CACNB2: variants seen among roughly 807,000 people sequenced by gnomAD.
CACNB2 encodes calcium voltage-gated channel auxiliary subunit beta 2, also known as voltage-dependent L-type calcium channel subunit beta-2.
Under a neutral mutation model 73.3 loss-of-function variants are expected in CACNB2, and 42 were observed. The observed-to-expected ratio is 0.57, with a 90% CI of 0.45 to 0.74. The LOEUF is 0.74. Among genes scored for constraint, CACNB2 ranks in the 30% least tolerant of loss-of-function variants. The probability of loss-of-function intolerance (pLI) is 0.00; values close to 1 mark genes in which losing one functional copy is unlikely to be tolerated. For missense variants in CACNB2, 940 were observed against 853.0 expected, an observed-to-expected ratio of 1.10 and a Z score of -1.27; for synonymous variants, 348 against 310.3, an observed-to-expected ratio of 1.12 and a Z score of -1.28.
chr10:18,292,370 C>T (rs2039099901), intron 2 of CACNB2, among the ~76,000 whole-genome samples: 1 of 152,144 alleles, frequency 6.6e-6, no homozygotes, highest in Non-Finnish European at 1.5e-5. Context: ...AATATTGTTT[C>T]AAGGTGGCTG....
chr10:18,169,414 C>T (rs557652784), intron 2 of CACNB2, among the ~76,000 whole-genome samples: 4 of 152,090 alleles, frequency 2.6e-5, no homozygotes, highest in African/African-American at 9.7e-5. Context: ...TATAATACTC[C>T]CTTGAAAATA....
chr10:18,538,511 G>A (rs775687658), intron 13 of CACNB2, 146 bp downstream of exon 13: 1 of 674,912 alleles, frequency 1.5e-6, no homozygotes. Flanking sequence ...CATGAGCTGT[G>A]TATGTACCTG....
chr10:18,418,723 T>C (rs1283759392), intron 3 of CACNB2, among the ~76,000 whole-genome samples: 1 of 152,204 alleles, frequency 6.6e-6, no homozygotes, highest in African/African-American at 2.4e-5. Flanking sequence ...TCCCTTTTTT[T>C]TGGTCTATAA....
intron 2 of CACNB2, among the ~76,000 whole-genome samples, chr10:18,374,575 A>G (rs954825717): frequency 1.3e-5 from 2 of 152,192 alleles, no homozygotes; most frequent in African/African-American, 2.4e-5. Flanking sequence ...TTTTTAAAAA[A>G]TAGAAAATTT....
intron 2 of CACNB2, among the ~76,000 whole-genome samples, chr10:18,349,849 A>G (rs921557609): frequency 1.3e-5 from 2 of 152,196 alleles, no homozygotes; most frequent in African/African-American, 4.8e-5. Context: ...TGTTATGCAT[A>G]TTTTGTCACA....
chr10:18,517,255 G>A (rs577232006), intron 7 of CACNB2, among the ~76,000 whole-genome samples: 42 of 152,186 alleles, frequency 2.8e-4, no homozygotes, highest in African/African-American at 8.2e-4. Flanking sequence ...TTTGCTTATC[G>A]CAGTGTCTAA....
At chr10:18,369,625 G>A (rs1443888453) in intron 2 of CACNB2, among the ~76,000 whole-genome samples, 1 of 152,170 alleles carries the variant, frequency 6.6e-6, no homozygotes, top group African/African-American at 2.4e-5. Flanking sequence ...GGGATAAGAG[G>A]GTCGAGCATG....
At chr10:18,263,591 C>A (rs879868221) in intron 2 of CACNB2, among the ~76,000 whole-genome samples, 7 of 152,064 alleles carry the variant, frequency 4.6e-5, no homozygotes, top group Non-Finnish European at 8.8e-5. Context: ...GTTCTTATAC[C>A]TTTTCTTTTT....
intron 3 of CACNB2, among the ~76,000 whole-genome samples, chr10:18,426,606 A>G (rs893072522): frequency 1.3e-5 from 2 of 152,178 alleles, no homozygotes; most frequent in African/African-American, 2.4e-5. Context: ...TTTGGAGGCC[A>G]AGGTAGGAGG....
At chr10:18,483,738 C>T (rs373229774) in intron 3 of CACNB2, among the ~76,000 whole-genome samples, 5 of 152,130 alleles carry the variant, frequency 3.3e-5, no homozygotes, top group Admixed American at 2.6e-4. Context: ...TCAGCATGTA[C>T]TTTGTAAAGG....
intron 2 of CACNB2, among the ~76,000 whole-genome samples, chr10:18,241,610 C>A (rs538459343): frequency 1.3e-5 from 2 of 151,582 alleles, no homozygotes; most frequent in African/African-American, 4.8e-5. Flanking sequence ...TACAGGTGAC[C>A]TATAAAGAGG....
At chr10:18,252,846 A>T (rs2037141672) in intron 2 of CACNB2, among the ~76,000 whole-genome samples, 1 of 152,120 alleles carries the variant, frequency 6.6e-6, no homozygotes, top group African/African-American at 2.4e-5. Flanking sequence ...AACTGCTGGA[A>T]GGGGAACCTC....
chr10:18,454,215 TACTC>T (rs1170945480), intron 3 of CACNB2, among the ~76,000 whole-genome samples: 3 of 152,178 alleles, frequency 2.0e-5, no homozygotes, highest in South Asian at 2.1e-4. Flanking sequence ...TAGTACCAAA[TACTC>T]AGGAATTAGA....
At chr10:18,528,338 T>C (rs1259529502) in intron 10 of CACNB2, among the ~76,000 whole-genome samples, 3 of 152,158 alleles carry the variant, frequency 2.0e-5, no homozygotes, top group African/African-American at 4.8e-5. Context: ...TAACGTATAC[T>C]GAATTGATCA....
Position 18,498,178 on chromosome 10 carries a change from C to G in CACNB2, c.334-177C>G, listed in dbSNP as rs549864261. 5.3e-5 allele frequency among the ~76,000 whole-genome samples: 8 copies of G among 152,274 alleles called. No homozygotes were observed. The East Asian group carries it at 1.5e-3, about 29-fold the overall frequency. On this transcript the variant is annotated intron_variant, in intron 3 of 13. Transcript: ENST00000324631. ...GAAATGGGTGTTATGTAGCTCACAG[C>G]TGGGAGATTTCAAGTGTTTTGAATA...
At chr10:18,214,796 T>C (rs952364109) in intron 2 of CACNB2, among the ~76,000 whole-genome samples, 1 of 152,074 alleles carries the variant, frequency 6.6e-6, no homozygotes, top group African/African-American at 2.4e-5. Context: ...ATTTGGGGGC[T>C]TGTAGCAGTG....
intron 2 of CACNB2, among the ~76,000 whole-genome samples, chr10:18,278,880 G>T (rs2038414713): frequency 6.6e-6 from 1 of 152,062 alleles, no homozygotes; most frequent in South Asian, 2.1e-4. Context: ...GCTAGGCCTG[G>T]TGGCATGTGC....
intron 2 of CACNB2, among the ~76,000 whole-genome samples, chr10:18,331,853 C>G (rs1355379468): frequency 6.6e-6 from 1 of 152,146 alleles, no homozygotes; most frequent in African/African-American, 2.4e-5. Context: ...CAAATCATAT[C>G]ACTCTAAAAG....
At chr10:18,513,489 C>A in intron 6 of CACNB2, 1 of 296,994 alleles carries the variant, frequency 3.4e-6, no homozygotes, top group South Asian at 3.5e-5. Flanking sequence ...TCAAGTCCCT[C>A]GTCTCCTTTG....
Sources: gnomAD v4.1 joint callset for allele counts (sites outside exome capture counted in the v4.1 genomes callset) on GRCh38, gnomAD v4.1.1 for gene constraint, MANE v1.5 for transcripts, NCBI Gene and HGNC (gene_info 2026-07-23, HGNC 2026-07-21) for gene names.